Variants in CACNA2D3 observed in about 807,000 individuals in gnomAD.
The protein encoded by CACNA2D3 is calcium voltage-gated channel auxiliary subunit alpha2delta 3, also known as voltage-dependent calcium channel subunit alpha-2/delta-3.
A neutral mutation model predicts 160.6 loss-of-function variants in CACNA2D3; 60 were observed. The ratio of observed to expected loss-of-function variants is 0.37; its 90% CI spans 0.30 to 0.46. The LOEUF is 0.46. CACNA2D3 is among the 20% of genes least tolerant of loss of function. The pLI, the probability that CACNA2D3 is intolerant of heterozygous loss-of-function variation, is 1.00. For missense variants in CACNA2D3, 1,205 were observed against 1,365.0 expected (o/e 0.88, Z 1.85); for synonymous variants, 558 against 492.9 (o/e 1.13, Z -1.75).
intron 28 of CACNA2D3, among the ~76,000 whole-genome samples, chr3:54,969,146 TAA>T: frequency 6.6e-6 from 1 of 152,296 alleles, no homozygotes; most frequent in South Asian, 2.1e-4. Flanking sequence ...AGGGGTTTTT[TAA>T]AGTCACTGAG....
chr3:54,776,565 A>G (rs568943581), intron 13 of CACNA2D3, among the ~76,000 whole-genome samples: 1 of 152,262 alleles, frequency 6.6e-6, no homozygotes, highest in African/African-American at 2.4e-5. Flanking sequence ...CAACAAAACA[A>G]AACAGTAACA....
intron 2 of CACNA2D3, among the ~76,000 whole-genome samples, chr3:54,269,326 C>T (rs1046427314): frequency 6.6e-6 from 1 of 152,038 alleles, no homozygotes; most frequent in African/African-American, 2.4e-5. Flanking sequence ...TAGCATTTCT[C>T]TATCTCTTGC....
chr3:54,424,321 G>A (rs1699882097), intron 4 of CACNA2D3, among the ~76,000 whole-genome samples: 2 of 152,186 alleles, frequency 1.3e-5, no homozygotes, highest in Admixed American at 6.5e-5. Flanking sequence ...CCTAGCTCCT[G>A]GTTCCATGAA....
chr3:54,176,666 T>C (rs1262360679), intron 2 of CACNA2D3, among the ~76,000 whole-genome samples: 1 of 152,216 alleles, frequency 6.6e-6, no homozygotes, highest in East Asian at 1.9e-4. Context: ...CTCATAGCAA[T>C]ACAAAAACAT....
chr3:54,360,416 G>T (rs1301945385), intron 3 of CACNA2D3, among the ~76,000 whole-genome samples: 1 of 152,142 alleles, frequency 6.6e-6, no homozygotes, highest in Non-Finnish European at 1.5e-5. Flanking sequence ...ACAGAGACTG[G>T]GATTGTCAAT....
intron 4 of CACNA2D3, among the ~76,000 whole-genome samples, chr3:54,498,602 T>G (rs570437778): frequency 6.6e-6 from 1 of 152,100 alleles, no homozygotes; most frequent in South Asian, 2.1e-4. Flanking sequence ...ACTTTATTCC[T>G]TCTTTTAACA....
chr3:54,440,612 AT>A (rs1324916702), intron 4 of CACNA2D3, among the ~76,000 whole-genome samples: 2 of 151,902 alleles, frequency 1.3e-5, no homozygotes, highest in Non-Finnish European at 2.9e-5. Context: ...CATTAGGTAT[AT>A]CTCCTAATGC....
At chr3:54,427,967 T>C (rs1286397440) in intron 4 of CACNA2D3, among the ~76,000 whole-genome samples, 3 of 152,210 alleles carry the variant, frequency 2.0e-5, no homozygotes, top group East Asian at 1.9e-4. Flanking sequence ...TCTCCACTGC[T>C]AGATTTTCCA....
chr3:54,685,636 A>T (rs146028633), intron 11 of CACNA2D3, among the ~76,000 whole-genome samples: 2 of 152,338 alleles, frequency 1.3e-5, no homozygotes, highest in Admixed American at 1.3e-4. Context: ...CCGTTGTCTC[A>T]TCTGGGAAAA....
At chr3:54,498,945 C>T (rs1183880105) in intron 4 of CACNA2D3, among the ~76,000 whole-genome samples, 1 of 151,912 alleles carries the variant, frequency 6.6e-6, no homozygotes, top group African/African-American at 2.4e-5. Flanking sequence ...CAATATCATA[C>T]ATTGATTTCT....
At chr3:54,671,273 C>T (rs527390028) in intron 11 of CACNA2D3, among the ~76,000 whole-genome samples, 7 of 151,694 alleles carry the variant, frequency 4.6e-5, no homozygotes, top group African/African-American at 7.3e-5. Context: ...GATTGTTTCC[C>T]TCCATTTCCA....
intron 2 of CACNA2D3, among the ~76,000 whole-genome samples, chr3:54,241,729 G>T (rs376882231): frequency 1.8e-4 from 28 of 152,214 alleles, no homozygotes; most frequent in African/African-American, 6.8e-4. Flanking sequence ...GTAGGATAGG[G>T]ATTAAGAGCT....
At chr3:54,444,784 A>G (rs1348371531) in intron 4 of CACNA2D3, among the ~76,000 whole-genome samples, 8 of 152,238 alleles carry the variant, frequency 5.3e-5, no homozygotes, top group Non-Finnish European at 1.2e-4. Flanking sequence ...GGAGCTTATG[A>G]GTCCTTACTC....
At chr3:55,041,270 A>G (rs189413050) in intron 35 of CACNA2D3, among the ~76,000 whole-genome samples, 31 of 152,306 alleles carry the variant, frequency 2.0e-4, no homozygotes, top group Admixed American at 1.9e-3. Flanking sequence ...ACATTTTGGG[A>G]TCGATTCATA....
intron 13 of CACNA2D3, among the ~76,000 whole-genome samples, chr3:54,791,284 T>C (rs7642224): frequency 0.27 from 40,678 of 152,136 alleles, 5,945 homozygotes; most frequent in African/African-American, 0.38. Flanking sequence ...TTTCTCAATG[T>C]TCAGTAGGAA....
intron 4 of CACNA2D3, among the ~76,000 whole-genome samples, chr3:54,441,580 G>A (rs142205041): frequency 0.03 from 4,531 of 152,246 alleles, 88 homozygotes; most frequent in South Asian, 0.055. Flanking sequence ...GTCCTGAATG[G>A]TATTGCCTAG....
intron 13 of CACNA2D3, among the ~76,000 whole-genome samples, chr3:54,795,183 G>A (rs749714319): frequency 6.6e-6 from 1 of 152,004 alleles, no homozygotes; most frequent in African/African-American, 2.4e-5. Flanking sequence ...GACCCATACA[G>A]TCACTTTTAA....
At chr3:54,606,775 G>C (rs773931325) in intron 9 of CACNA2D3, among the ~76,000 whole-genome samples, 1 of 152,086 alleles carries the variant, frequency 6.6e-6, no homozygotes, top group African/African-American at 2.4e-5. Flanking sequence ...AGAAGACGAC[G>C]TGGCCTGAAG....
intron 3 of CACNA2D3, among the ~76,000 whole-genome samples, chr3:54,329,799 AT>A (rs1704204782): frequency 6.6e-6 from 1 of 152,352 alleles, no homozygotes; most frequent in Non-Finnish European, 1.5e-5. Flanking sequence ...AATTTTATAA[AT>A]TACCAGCAAC....
Sources: allele counts gnomAD v4.1 joint callset (sites outside exome capture counted in the v4.1 genomes callset), GRCh38; gene constraint gnomAD v4.1.1; transcripts MANE v1.5; gene names NCBI Gene and HGNC (gene_info 2026-07-23, HGNC 2026-07-21).